Variants in LRMDA observed in about 807,000 individuals in gnomAD.
The protein encoded by LRMDA is leucine rich melanocyte differentiation associated, also known as leucine-rich melanocyte differentiation-associated protein.
In LRMDA, 18 loss-of-function variants were observed where a neutral mutation model predicts 29.8. That is an observed-to-expected ratio of 0.60 (90% CI 0.42 to 0.90). The LOEUF is 0.90. LRMDA is among the 40% of genes least tolerant of loss of function. LRMDA has a pLI of 0.00. For missense variants in LRMDA, 273 were observed against 273.9 expected, an observed-to-expected ratio of 1.00 and a Z score of 0.02; for synonymous variants, 125 against 109.4, an observed-to-expected ratio of 1.14 and a Z score of -0.89.
chr10:75,708,113 GCT>G (rs1283277612), intron 2 of LRMDA, among the ~76,000 whole-genome samples: 1 of 152,096 alleles, frequency 6.6e-6, no homozygotes, highest in Non-Finnish European at 1.5e-5. Context: ...GCAAAGGGCC[GCT>G]CTGACAGGGA....
intron 6 of LRMDA, among the ~76,000 whole-genome samples, chr10:76,404,906 T>A (rs934312936): frequency 6.6e-6 from 1 of 151,850 alleles, no homozygotes; most frequent in African/African-American, 2.4e-5. Flanking sequence ...ACAACAGAAA[T>A]AGAAGTTGGA....
intron 2 of LRMDA, among the ~76,000 whole-genome samples, chr10:75,505,843 C>T (rs1346367909): frequency 6.6e-6 from 1 of 152,180 alleles, no homozygotes; most frequent in Non-Finnish European, 1.5e-5. Context: ...TGGTGTGTCT[C>T]ATGCTGAATT....
At chr10:76,543,643 G>A (rs1365704443) in intron 6 of LRMDA, among the ~76,000 whole-genome samples, 1 of 151,990 alleles carries the variant, frequency 6.6e-6, no homozygotes, top group African/African-American at 2.4e-5. Context: ...CTGAATTTAT[G>A]GGCAAAGAAG....
intron 2 of LRMDA, among the ~76,000 whole-genome samples, chr10:75,651,309 C>T (rs1347937033): frequency 6.6e-6 from 1 of 152,114 alleles, no homozygotes; most frequent in Non-Finnish European, 1.5e-5. Context: ...CTTCCATGCT[C>T]TAGGATCTGG....
At chr10:75,714,845 C>CCCTCCCTT (rs1323673103) in intron 2 of LRMDA, among the ~76,000 whole-genome samples, 1 of 121,748 alleles carries the variant, frequency 8.2e-6, no homozygotes, top group Non-Finnish European at 1.6e-5. Flanking sequence ...TTCCCTCCCT[C>CCCTCCCTT]CCTCCCTCCC....
chr10:76,255,381 T>C (rs1187160765), intron 5 of LRMDA, among the ~76,000 whole-genome samples: 2 of 152,188 alleles, frequency 1.3e-5, no homozygotes, highest in Non-Finnish European at 2.9e-5. Context: ...TTTCCTCTGT[T>C]GGAAATGATA....
chr10:75,982,764 T>G (rs1288510134), intron 2 of LRMDA, among the ~76,000 whole-genome samples: 1 of 152,184 alleles, frequency 6.6e-6, no homozygotes, highest in Non-Finnish European at 1.5e-5. Context: ...TGCCTTACTT[T>G]ATTCAGAACA....
intron 6 of LRMDA, among the ~76,000 whole-genome samples, chr10:76,488,018 A>C (rs1160251314): frequency 6.6e-6 from 1 of 151,772 alleles, no homozygotes; most frequent in Admixed American, 6.6e-5. Context: ...TGCATGATTT[A>C]GTTCTCATTT....
At chr10:75,784,665 T>G (rs1843441821) in intron 2 of LRMDA, among the ~76,000 whole-genome samples, 1 of 147,256 alleles carries the variant, frequency 6.8e-6, no homozygotes, top group Non-Finnish European at 1.5e-5. Context: ...ATTGCGCCAC[T>G]GCACTACAGC....
At chr10:75,771,454 C>T (rs1036006036) in intron 2 of LRMDA, among the ~76,000 whole-genome samples, 11 of 152,080 alleles carry the variant, frequency 7.2e-5, no homozygotes, top group African/African-American at 2.2e-4. Context: ...GGAACATTCC[C>T]GAGAGAGGGC....
chr10:75,578,441 C>T (rs1840539771), intron 2 of LRMDA, among the ~76,000 whole-genome samples: 1 of 151,888 alleles, frequency 6.6e-6, no homozygotes, highest in African/African-American at 2.4e-5. Flanking sequence ...TAGACTCCCA[C>T]ACAATAATAG....
chr10:76,026,597 C>T (rs902194787), intron 2 of LRMDA, among the ~76,000 whole-genome samples: 2 of 152,308 alleles, frequency 1.3e-5, no homozygotes, highest in African/African-American at 4.8e-5. Flanking sequence ...ACATGTTACA[C>T]CCTTCCCATA....
At chr10:76,134,846 C>T (rs1850064369) in intron 5 of LRMDA, among the ~76,000 whole-genome samples, 1 of 152,062 alleles carries the variant, frequency 6.6e-6, no homozygotes, top group Admixed American at 6.6e-5. Context: ...GAAAAATGAA[C>T]ATACCTACTG....
At chr10:76,056,165 C>T (rs867126240) in intron 4 of LRMDA, among the ~76,000 whole-genome samples, 1 of 152,134 alleles carries the variant, frequency 6.6e-6, no homozygotes, top group African/African-American at 2.4e-5. Context: ...CTGTGCAGCC[C>T]TCAGCAGAGA....
rs1183989010 is a variant in LRMDA, at chr10:75,578,215, CAAAAAAAAA to C, written c.131+139737_131+139745del. 4.1e-3 allele frequency among the ~76,000 whole-genome samples: 58 copies of C among 14,228 alleles called. 2 individuals are homozygous for C. The highest frequency in any genetic ancestry group is 8.0e-3 in the Non-Finnish European group (47 of 5,890). The allele number at this position is 14,228 out of a possible 152,430, so 9.3% of individuals were successfully genotyped here. On this transcript the variant is annotated intron_variant, in intron 2 of 6. Coordinates refer to ENST00000611255, the MANE Select transcript of LRMDA (RefSeq NM_001305581.2). ...GTATATTTACCAAGCAAATGGAAAG[CAAAAAAAAA>C]AAAAAAAAAAAAAAAGCAGCAGTTG...
intron 2 of LRMDA, among the ~76,000 whole-genome samples, chr10:75,688,474 C>G (rs1248396081): frequency 6.6e-6 from 1 of 152,156 alleles, no homozygotes; most frequent in Non-Finnish European, 1.5e-5. Context: ...TTGCTGCAAT[C>G]TTGTGATAAA....
chr10:75,958,945 G>A (rs879677093), intron 2 of LRMDA, among the ~76,000 whole-genome samples: 10 of 152,136 alleles, frequency 6.6e-5, no homozygotes, highest in Non-Finnish European at 1.0e-4. Context: ...ATCAGATCTC[G>A]TGAGACTTAC....
chr10:76,527,093 G>A (rs971841599), intron 6 of LRMDA, among the ~76,000 whole-genome samples: 8 of 148,360 alleles, frequency 5.4e-5, no homozygotes, highest in Non-Finnish European at 8.9e-5. Context: ...GGGATTTAGA[G>A]CTACATTTGT....
At chr10:75,600,741 T>C (rs759717085) in intron 2 of LRMDA, among the ~76,000 whole-genome samples, 3 of 152,166 alleles carry the variant, frequency 2.0e-5, no homozygotes. Context: ...AATCCACCCA[T>C]GAGATTTATC....
Sources: gnomAD v4.1 joint callset for allele counts (sites outside exome capture counted in the v4.1 genomes callset) on GRCh38, gnomAD v4.1.1 for gene constraint, MANE v1.5 for transcripts, NCBI Gene and HGNC (gene_info 2026-07-23, HGNC 2026-07-21) for gene names.